Variants in PDE1C observed in about 807,000 individuals in gnomAD.
PDE1C encodes the protein dual specificity calcium/calmodulin-dependent 3',5'-cyclic nucleotide phosphodiesterase 1C.
PDE1C carries 62 observed loss-of-function variants against 93.1 expected under a neutral mutation model. The observed-to-expected ratio is 0.67, with a 90% confidence interval of 0.54 to 0.82. PDE1C has a LOEUF of 0.82. Among genes scored for constraint, PDE1C ranks in the 40% least tolerant of loss-of-function variants. The pLI, the probability that PDE1C is intolerant of heterozygous loss-of-function variation, is 0.00. For synonymous variants in PDE1C, 325 were observed against 310.1 expected (o/e 1.05, Z -0.50); for missense variants, 742 against 884.6 (o/e 0.84, Z 2.04).
At chr7:32,068,837 C>T (rs1435603285) in intron 1 of PDE1C, among the ~76,000 whole-genome samples, 1 of 152,172 alleles carries the variant, frequency 6.6e-6, no homozygotes, top group African/African-American at 2.4e-5. Context: ...AGCTCGACAA[C>T]GCTTTCACAT....
intron 2 of PDE1C, among the ~76,000 whole-genome samples, chr7:31,939,201 A>G (rs1489272187): frequency 6.6e-6 from 1 of 152,130 alleles, no homozygotes; most frequent in African/African-American, 2.4e-5. Flanking sequence ...TCTCTGTTAA[A>G]CACACAGAGA....
intron 2 of PDE1C, among the ~76,000 whole-genome samples, chr7:32,007,124 A>AT (rs1440317024): frequency 1.3e-5 from 2 of 152,134 alleles, no homozygotes; most frequent in East Asian, 3.9e-4. Context: ...TCAGCAACCT[A>AT]TTTTTTATCA....
chr7:31,642,841 A>G, the PDE1C span: 1 of 1,614,016 alleles, frequency 6.2e-7, no homozygotes, highest in East Asian at 2.2e-5. Flanking sequence ...CCAAGAAGCG[A>G]ATGCCTTGGA....
At chr7:31,765,561 G>T (rs953327859) in intron 17 of PDE1C, among the ~76,000 whole-genome samples, 1 of 152,244 alleles carries the variant, frequency 6.6e-6, no homozygotes, top group African/African-American at 2.4e-5. Flanking sequence ...ACTAACAGTG[G>T]CCAATTTCAG....
chr7:31,969,310 C>A (rs955508672), intron 2 of PDE1C, among the ~76,000 whole-genome samples: 1 of 152,080 alleles, frequency 6.6e-6, no homozygotes, highest in Admixed American at 6.5e-5. Context: ...AAACAAACAA[C>A]CCTATCAAAA....
chr7:31,749,027 A>T (rs1158653799), downstream of PDE1C, among the ~76,000 whole-genome samples: 6 of 152,206 alleles, frequency 3.9e-5, no homozygotes, highest in African/African-American at 1.2e-4. Context: ...AATAGTGGCT[A>T]TCAACCATCT....
chr7:32,299,744 C>T (rs1004297493), upstream of PDE1C, among the ~76,000 whole-genome samples: 8 of 152,132 alleles, frequency 5.3e-5, no homozygotes, highest in African/African-American at 1.4e-4. Context: ...CTGAAATGAC[C>T]GAGTTAGGCA....
At chr7:32,103,798 G>C (rs771943575) in intron 3 of PDE1C, among the ~76,000 whole-genome samples, 14 of 152,130 alleles carry the variant, frequency 9.2e-5, no homozygotes, top group Non-Finnish European at 1.9e-4. Flanking sequence ...AACTTTTAGA[G>C]AAAAAGAGTA....
At chr7:31,827,691 T>C (rs1789866140) in intron 12 of PDE1C, among the ~76,000 whole-genome samples, 1 of 152,110 alleles carries the variant, frequency 6.6e-6, no homozygotes, top group Admixed American at 6.6e-5. Flanking sequence ...TGGAGATCAC[T>C]GACAACATTT....
intron 1 of PDE1C, among the ~76,000 whole-genome samples, chr7:32,329,711 C>T (rs1783475233): frequency 2.0e-5 from 3 of 152,230 alleles, no homozygotes; most frequent in Non-Finnish European, 4.4e-5. Flanking sequence ...AGCATATCCT[C>T]TTCAAGGCTT....
At chr7:31,638,510 T>G in the PDE1C span, among the ~76,000 whole-genome samples, 1 of 152,234 alleles carries the variant, frequency 6.6e-6, no homozygotes, top group Non-Finnish European at 1.5e-5. Context: ...CACGACATTG[T>G]TAATTTTTTT....
intron 3 of PDE1C, among the ~76,000 whole-genome samples, chr7:32,132,522 C>T (rs56376671): frequency 0.011 from 1,599 of 151,942 alleles, 16 homozygotes; most frequent in Non-Finnish European, 0.016. Context: ...AAAAATTAGC[C>T]GGGTGTGGTG....
intron 1 of PDE1C, among the ~76,000 whole-genome samples, chr7:32,283,284 A>G (rs1811791789): frequency 6.6e-6 from 1 of 152,214 alleles, no homozygotes; most frequent in South Asian, 2.1e-4. Flanking sequence ...ACAATACAGT[A>G]ATGGTCCCAT....
chr7:32,273,530 C>T (rs1207402128), intron 1 of PDE1C, among the ~76,000 whole-genome samples: 1 of 152,132 alleles, frequency 6.6e-6, no homozygotes, highest in East Asian at 1.9e-4. Flanking sequence ...CAATTTCAGA[C>T]CCCACTGGAC....
At chr7:32,244,637 T>C (rs1004044796) in intron 1 of PDE1C, among the ~76,000 whole-genome samples, 1 of 152,210 alleles carries the variant, frequency 6.6e-6, no homozygotes, top group African/African-American at 2.4e-5. Context: ...AAGAACACCC[T>C]GTCAGATAAT....
chr7:31,810,111 C>T (rs952572689), intron 15 of PDE1C, among the ~76,000 whole-genome samples: 2 of 152,102 alleles, frequency 1.3e-5, no homozygotes, highest in Non-Finnish European at 2.9e-5. Flanking sequence ...TATAACAGTG[C>T]TGCATCCCTA....
rs571598716 is a variant in PDE1C, at chr7:32,314,190, T to A, written c.311-104651A>T. On this transcript the variant is annotated intron_variant, in intron 1 of 1. Coordinates refer to the PDE1C transcript ENST00000672256. The stretch of plus-strand genomic sequence containing the variant: ...CAATTTTAATACTATATTACAGCTC[T>A]GGCATTAGAAAGCAAGACAAAAATA... 2.0e-5 allele frequency among the ~76,000 whole-genome samples: 3 copies of A among 152,290 alleles called. No homozygotes were observed. In the South Asian group the frequency reaches 6.2e-4, roughly 32 times the overall value.
intron 2 of PDE1C, among the ~76,000 whole-genome samples, chr7:31,994,787 G>A (rs547799979): frequency 6.6e-6 from 1 of 152,316 alleles, no homozygotes; most frequent in South Asian, 2.1e-4. Context: ...AATCCAGGAA[G>A]AGTGACGGCA....
At chr7:32,250,770 C>T (rs1809316239) in intron 1 of PDE1C, among the ~76,000 whole-genome samples, 1 of 152,168 alleles carries the variant, frequency 6.6e-6, no homozygotes, top group Non-Finnish European at 1.5e-5. Flanking sequence ...ACTATGAGAC[C>T]TTTTCCTGCA....
Sources: allele counts gnomAD v4.1 joint callset (sites outside exome capture counted in the v4.1 genomes callset), GRCh38; gene constraint gnomAD v4.1.1; transcripts MANE v1.5; gene names NCBI Gene and HGNC (gene_info 2026-07-23, HGNC 2026-07-21).